Variants in CADPS2 observed in about 807,000 individuals in gnomAD.
CADPS2 encodes the protein calcium-dependent secretion activator 2.
A neutral mutation model predicts 172.5 loss-of-function variants in CADPS2; 93 were observed. The ratio of observed to expected loss-of-function variants is 0.54; its 90% CI spans 0.46 to 0.64. The LOEUF (loss-of-function observed/expected upper bound fraction) is 0.64, where lower values mean the gene tolerates loss of function less well. Among genes scored for constraint, CADPS2 ranks in the 30% least tolerant of loss-of-function variants. The probability of loss-of-function intolerance (pLI) is 0.00; values close to 1 mark genes in which losing one functional copy is unlikely to be tolerated. For missense variants in CADPS2, 1,420 were observed against 1,565.9 expected (o/e 0.91, Z 1.57); for synonymous variants, 546 against 555.2 (o/e 0.98, Z 0.23).
At chr7:122,567,628 G>A (rs1162315451) in intron 7 of CADPS2, among the ~76,000 whole-genome samples, 1 of 152,170 alleles carries the variant, frequency 6.6e-6, no homozygotes, top group Non-Finnish European at 1.5e-5. Flanking sequence ...ACAATGTAGT[G>A]TGGGTTTGTA....
At chr7:122,819,714 C>T (rs962958205) in intron 1 of CADPS2, among the ~76,000 whole-genome samples, 1 of 152,088 alleles carries the variant, frequency 6.6e-6, no homozygotes, top group Non-Finnish European at 1.5e-5. Flanking sequence ...TTATCTGCTT[C>T]CCTGACTATT....
At chr7:122,762,290 A>G (rs1435430014) in intron 1 of CADPS2, among the ~76,000 whole-genome samples, 1 of 152,048 alleles carries the variant, frequency 6.6e-6, no homozygotes, top group African/African-American at 2.4e-5. Flanking sequence ...GATTCAGTGG[A>G]ATTCCAGAAA....
chr7:122,390,663 G>T (rs2044255317), intron 22 of CADPS2, among the ~76,000 whole-genome samples: 1 of 151,994 alleles, frequency 6.6e-6, no homozygotes, highest in Non-Finnish European at 1.5e-5. Context: ...GACAATAAAT[G>T]TGTTTAATTG....
intron 3 of CADPS2, among the ~76,000 whole-genome samples, chr7:122,652,592 A>T (rs2079282775): frequency 6.6e-6 from 1 of 152,122 alleles, no homozygotes; most frequent in Non-Finnish European, 1.5e-5. Flanking sequence ...CCTTTTTATA[A>T]TATCCTGATT....
chr7:122,402,149 C>T (rs1350453166), intron 20 of CADPS2, among the ~76,000 whole-genome samples: 2 of 151,980 alleles, frequency 1.3e-5, no homozygotes, highest in Non-Finnish European at 2.9e-5. Context: ...ATGCTGAGAC[C>T]ACACATACCT....
chr7:122,814,630 GTAC>G (rs1438703006), intron 1 of CADPS2, among the ~76,000 whole-genome samples: 7 of 152,044 alleles, frequency 4.6e-5, no homozygotes, highest in Non-Finnish European at 7.4e-5. Flanking sequence ...TGCTGCTTTT[GTAC>G]TACAACAGCA....
intron 28 of CADPS2, among the ~76,000 whole-genome samples, chr7:122,342,833 G>A (rs960508905): frequency 7.9e-5 from 12 of 152,098 alleles, no homozygotes; most frequent in Admixed American, 2.6e-4. Context: ...GCAAAAGTTC[G>A]TCATGATGCC....
At chr7:122,354,580 G>T (rs112122647) in intron 27 of CADPS2, among the ~76,000 whole-genome samples, 16 of 151,608 alleles carry the variant, frequency 1.1e-4, no homozygotes, top group South Asian at 4.2e-4. Context: ...CTTTTTTTTT[G>T]GGGGGGAGGG....
At chr7:122,687,994 T>C (rs2083853006) in intron 2 of CADPS2, among the ~76,000 whole-genome samples, 1 of 152,246 alleles carries the variant, frequency 6.6e-6, no homozygotes, top group African/African-American at 2.4e-5. Flanking sequence ...ATCTGTTCTA[T>C]GACATATTCA....
intron 18 of CADPS2, 149 bp from the exon 19 acceptor site, chr7:122,414,225 A>G (rs2047630020): frequency 2.0e-6 from 1 of 497,916 alleles, no homozygotes; most frequent in African/African-American, 2.0e-5. Context: ...TCTATTTAAT[A>G]AAGTCAACTT....
At chr7:122,357,582 A>C (rs190154398) in intron 27 of CADPS2, among the ~76,000 whole-genome samples, 38 of 152,332 alleles carry the variant, frequency 2.5e-4, no homozygotes, top group African/African-American at 8.9e-4. Flanking sequence ...CTACCATTAC[A>C]ATATCATACA....
At chr7:122,709,352 A>G (rs1468141511) in intron 2 of CADPS2, among the ~76,000 whole-genome samples, 1 of 152,086 alleles carries the variant, frequency 6.6e-6, no homozygotes, top group African/African-American at 2.4e-5. Flanking sequence ...CAAAACCACA[A>G]TGAGATACCA....
chr7:122,512,455 T>C (rs1332890757), intron 9 of CADPS2, among the ~76,000 whole-genome samples: 1 of 152,084 alleles, frequency 6.6e-6, no homozygotes, highest in African/African-American at 2.4e-5. Context: ...CTTAGAAGGG[T>C]ATTCTTTAAT....
At chr7:122,542,181 G>T (rs1041658237) in intron 8 of CADPS2, among the ~76,000 whole-genome samples, 2 of 151,958 alleles carry the variant, frequency 1.3e-5, no homozygotes, top group Non-Finnish European at 2.9e-5. Context: ...GGAGGCACAG[G>T]GAGGTTAAGT....
At chr7:122,593,463 G>A (rs1430545326) in intron 6 of CADPS2, among the ~76,000 whole-genome samples, 1 of 151,934 alleles carries the variant, frequency 6.6e-6, no homozygotes, top group African/African-American at 2.4e-5. Flanking sequence ...AAAAGACCCG[G>A]GGCGAGCAAC....
intron 1 of CADPS2, among the ~76,000 whole-genome samples, chr7:122,828,137 C>A (rs2140511111): frequency 6.6e-6 from 1 of 152,152 alleles, no homozygotes; most frequent in South Asian, 2.1e-4. Flanking sequence ...GGTAGGTTTA[C>A]CCTGTCATCT....
At chr7:122,673,768 C>A (rs184814075) in intron 2 of CADPS2, among the ~76,000 whole-genome samples, 1 of 152,244 alleles carries the variant, frequency 6.6e-6, no homozygotes, top group Non-Finnish European at 1.5e-5. Context: ...GATCCCACAC[C>A]AGGGCTGCAG....
intron 1 of CADPS2, among the ~76,000 whole-genome samples, chr7:122,830,726 C>G (rs1033967456): frequency 6.6e-6 from 1 of 152,052 alleles, no homozygotes; most frequent in Non-Finnish European, 1.5e-5. Context: ...CTGTGGACTG[C>G]AAAATTAAAA....
At chr7:122,439,825 A>C (rs2051121371) in intron 16 of CADPS2, among the ~76,000 whole-genome samples, 1 of 152,168 alleles carries the variant, frequency 6.6e-6, no homozygotes. Flanking sequence ...ATTTTGTTTC[A>C]TATGCGGAAC....
Sources: gnomAD v4.1 joint callset for allele counts (sites outside exome capture counted in the v4.1 genomes callset) on GRCh38, gnomAD v4.1.1 for gene constraint, MANE v1.5 for transcripts, NCBI Gene and HGNC (gene_info 2026-07-23, HGNC 2026-07-21) for gene names.